RNF19B: variants seen among roughly 807,000 people sequenced by gnomAD.
The protein encoded by RNF19B is E3 ubiquitin-protein ligase RNF19B.
RNF19B carries 23 observed loss-of-function variants against 65.5 expected under a neutral mutation model. The observed-to-expected ratio is 0.35, with a 90% CI of 0.25 to 0.50. The LOEUF (loss-of-function observed/expected upper bound fraction) is 0.50. Ranked by LOEUF, RNF19B falls within the 20% of genes least tolerant of loss-of-function variation. RNF19B has a pLI of 0.98. For missense variants in RNF19B, 794 were observed against 980.0 expected, an observed-to-expected ratio of 0.81 and a Z score of 2.53; for synonymous variants, 372 against 379.6, an observed-to-expected ratio of 0.98 and a Z score of 0.23.
rs971828077 is a variant in RNF19B at position 32,964,523 on chromosome 1, CGGCCTGCGGCTT to C, written c.151_162del (p.Lys51_Ala54del). On this transcript the variant is annotated inframe_deletion, in exon 1 of 9. Transcript: ENST00000235150. This position sits in a 1 kb window ranked among gnomAD's most constrained non-coding sequence, Gnocchi z 6.5. ...GGCTGCGCAGCCGGGGGCGGCGGCTCGGCCTGCGGCTTGGCCCGGGCGCGGCGGCCGCGGGCC... is the reference window on the plus strand; with the variant it reads ...GGCTGCGCAGCCGGGGGCGGCGGCTCGGCCCGGGCGCGGCGGCCGCGGGCC... 9 of 1,023,076 alleles carry C rather than the reference CGGCCTGCGGCTT, an allele frequency of 8.8e-6. No homozygotes were observed. In the Admixed American group the frequency reaches 3.0e-4, roughly 34 times the overall value. The allele number at this position is 1,023,076 out of a possible 1,614,324, so 63.4% of individuals were successfully genotyped here.
rs539694698 is a variant in RNF19B at position 32,964,168 on chromosome 1, T to C, written c.518A>G (p.His173Arg). 2 of 1,545,054 alleles carry C rather than the reference T, an allele frequency of 1.3e-6. No individual in the cohort carries two copies. Among genetic ancestry groups the C allele is most frequent in the Admixed American group, 2.0e-5 (1 of 50,526 alleles). Residue 173 changes from histidine to arginine, a missense_variant, in exon 1 of 9, where the codon CAC becomes CGC. His to Arg is a conservative substitution (Grantham distance 29, BLOSUM62 0). Transcript: ENST00000235150. The surrounding 1 kb of genome is among the most constrained non-coding windows in gnomAD (Gnocchi z 6.5). ...CPECSERLNP[H>R]DIRLLLADPP... The stretch of plus-strand genomic sequence containing the variant: ...GTCGGCGAGCAGCAAGCGGATGTCG[T>C]GCGGGTTGAGTCGCTCGCTGCACTC...
chr1:32,945,768 A>T, intron 4 of RNF19B, 140 bp from the exon 5 acceptor site: 2 of 534,922 alleles, frequency 3.7e-6, no homozygotes, highest in Non-Finnish European at 6.7e-6. Context: ...ATCTTTATCA[A>T]ATTTTAACCT....
chr1:32,945,481 G>A, intron 5 of RNF19B, 33 bp downstream of exon 5: 2 of 1,359,766 alleles, frequency 1.5e-6, no homozygotes, highest in Non-Finnish European at 2.1e-6. Flanking sequence ...TCAGAAAGCT[G>A]AGAGAGAAGA....
intron 1 of RNF19B, among the ~76,000 whole-genome samples, chr1:32,960,768 G>T (rs1047452616): frequency 6.6e-6 from 1 of 152,026 alleles, no homozygotes; most frequent in Non-Finnish European, 1.5e-5. Context: ...AGGCCAAGGC[G>T]GGAAAACAGC....
intron 4 of RNF19B, among the ~76,000 whole-genome samples, chr1:32,945,926 G>A (rs1379524347): frequency 1.3e-5 from 2 of 151,564 alleles, no homozygotes; most frequent in South Asian, 2.1e-4. Context: ...GCAGTGGTGC[G>A]ATCTTGGCTC....
At chr1:32,954,765 C>G (rs1045955109) in intron 1 of RNF19B, among the ~76,000 whole-genome samples, 11 of 150,444 alleles carry the variant, frequency 7.3e-5, no homozygotes, top group African/African-American at 1.7e-4. Context: ...AATCTCCAAA[C>G]CTTAGCTTCT....
At chr1:32,952,940 A>T (rs1642543397) in intron 1 of RNF19B, among the ~76,000 whole-genome samples, 1 of 150,594 alleles carries the variant, frequency 6.6e-6, no homozygotes, top group Non-Finnish European at 1.5e-5. Context: ...ATAAATGGAA[A>T]GTTATGAAAG....
downstream of RNF19B, among the ~76,000 whole-genome samples, chr1:32,935,044 A>G (rs193199251): frequency 9.3e-5 from 14 of 150,624 alleles, no homozygotes; most frequent in South Asian, 2.1e-4. Flanking sequence ...GTTGGCCAGG[A>G]TGGTCTTGAT....
chr1:32,930,788 C>A, the RNF19B span, among the ~76,000 whole-genome samples: 1 of 152,182 alleles, frequency 6.6e-6, no homozygotes, highest in South Asian at 2.1e-4. Flanking sequence ...ATCCAACAAC[C>A]TGTTAAGAGC....
intron 1 of RNF19B, among the ~76,000 whole-genome samples, chr1:32,959,541 TC>T (rs1027458463): frequency 1.2e-4 from 18 of 152,092 alleles, no homozygotes; most frequent in African/African-American, 4.3e-4. Context: ...TGTTTAAACT[TC>T]TCTGAACTGG....
chr1:32,941,124 G>A (rs1352369438), intron 7 of RNF19B, among the ~76,000 whole-genome samples: 1 of 152,112 alleles, frequency 6.6e-6, no homozygotes, highest in African/African-American at 2.4e-5. Context: ...TCAGGAGGCT[G>A]AGGTGGTAGG....
chr1:32,961,872 G>T (rs967717947), intron 1 of RNF19B, among the ~76,000 whole-genome samples: 1 of 152,004 alleles, frequency 6.6e-6, no homozygotes, highest in Non-Finnish European at 1.5e-5. Context: ...AAAACAAACA[G>T]GGACCTTTTC....
At chr1:32,945,688 A>G (rs763413369) in intron 4 of RNF19B, 60 bp from the exon 5 acceptor site, 4 of 957,450 alleles carry the variant, frequency 4.2e-6, no homozygotes, top group African/African-American at 1.6e-5. Flanking sequence ...TTTGCCAGAG[A>G]AAAAAAGGAC....
rs1438058716 is a variant in RNF19B at position 32,946,457 on chromosome 1, GCAAT to G, written c.1087_1090del (p.Ile363LeufsTer42). Reference sequence around the variant, plus strand: ...GACCATGGCAGGAATGGCAATGCCAGCAATGAGAGAAATCCCCACTGGAGCACCA... The same window carrying G: ...GACCATGGCAGGAATGGCAATGCCAGGAGAGAAATCCCCACTGGAGCACCA... On this transcript the variant is annotated frameshift_variant, in exon 4 of 9. Coordinates refer to ENST00000235150, the MANE Select transcript of RNF19B (RefSeq NM_001300826.2). LOFTEE classifies it high-confidence loss of function. The G allele has an allele frequency of 6.2e-7, 1 of 1,614,064 alleles. No individual in the cohort carries two copies. Among genetic ancestry groups the G allele is most frequent in the South Asian group, 1.1e-5 (1 of 91,070 alleles).
At position 32,937,269 on chromosome 1, in the gene RNF19B, C is replaced by T; in HGVS notation, c.1743-10G>A. 6.2e-7 allele frequency: 1 copy of T among 1,613,562 alleles called. No individual in the cohort carries two copies. Among genetic ancestry groups the T allele is most frequent in the Non-Finnish European group, 8.5e-7 (1 of 1,180,026 alleles). ...CATATTGTTGCATTCTCTGTGGAGA[C>T]AAAATCCACTTTGCTGAGTCATGCA... On this transcript the variant is annotated splice_polypyrimidine_tract_variant and intron_variant, in intron 8 of 8. Coordinates refer to ENST00000235150, the MANE Select transcript of RNF19B (RefSeq NM_001300826.2).
intron 3 of RNF19B, among the ~76,000 whole-genome samples, chr1:32,947,417 T>C (rs1285152385): frequency 6.6e-6 from 1 of 152,200 alleles, no homozygotes; most frequent in Admixed American, 6.5e-5. Flanking sequence ...CCCAGAACTT[T>C]GGGAGGCCGA....
intron 1 of RNF19B, among the ~76,000 whole-genome samples, chr1:32,950,165 G>T (rs1472996168): frequency 6.6e-6 from 1 of 151,966 alleles, no homozygotes; most frequent in African/African-American, 2.4e-5. Flanking sequence ...TAGAGATGGG[G>T]TTTCACCATG....
chr1:32,963,467 G>A (rs1401829954), intron 1 of RNF19B, among the ~76,000 whole-genome samples: 1 of 152,162 alleles, frequency 6.6e-6, no homozygotes, highest in East Asian at 1.9e-4. Context: ...TGTAATCCCA[G>A]CACTTTGGGA....
chr1:32,957,521 A>T (rs2124179606), intron 1 of RNF19B, among the ~76,000 whole-genome samples: 1 of 152,334 alleles, frequency 6.6e-6, no homozygotes, highest in Middle Eastern at 3.4e-3. Context: ...CCCAGGGTTC[A>T]ACAGTGTATC....
Sources: allele counts gnomAD v4.1 joint callset (sites outside exome capture counted in the v4.1 genomes callset), GRCh38; gene constraint gnomAD v4.1.1; non-coding constraint Gnocchi (gnomAD v3.1); transcripts MANE v1.5; gene names NCBI Gene and HGNC (gene_info 2026-07-23, HGNC 2026-07-21).